The following CDHR3 variants were observed in gnomAD, a reference collection of about 807,000 sequenced individuals.
CDHR3 encodes cadherin-related family member 3.
CDHR3 carries 79 observed loss-of-function variants against 86.6 expected under a neutral mutation model. The observed-to-expected ratio is 0.91, with a 90% CI of 0.76 to 1.10. The LOEUF (loss-of-function observed/expected upper bound fraction) is 1.10, where lower values mean the gene tolerates loss of function less well. CDHR3 is among the 50% of genes least tolerant of loss of function. The probability of loss-of-function intolerance (pLI) is 0.00; values close to 1 mark genes in which losing one functional copy is unlikely to be tolerated. For missense variants in CDHR3, 1,081 were observed against 1,077.6 expected (o/e 1.00, Z -0.04); for synonymous variants, 421 against 402.4 (o/e 1.05, Z -0.55).
In CDHR3 at chr7:106,035,232, G is replaced by C. The variant is rs894730823; in HGVS notation, c.*2535G>C. 6.6e-6 allele frequency among the ~76,000 whole-genome samples: 1 copy of C among 152,216 alleles called. No homozygotes were observed. The highest frequency in any genetic ancestry group is 2.4e-5 in the African/African-American group (1 of 41,462). Reference sequence around the variant, plus strand: ...CAAGAGGGACTTCCTGAAGCCTGGGGCCTCTCTGAAGAGCTCAGTGTCTTC... The same window carrying C: ...CAAGAGGGACTTCCTGAAGCCTGGGCCCTCTCTGAAGAGCTCAGTGTCTTC... On this transcript the variant is annotated 3_prime_UTR_variant, in exon 19 of 19. Transcript: ENST00000317716.
intron 2 of CDHR3, among the ~76,000 whole-genome samples, chr7:105,980,585 GTT>G (rs56057580): frequency 0.21 from 22,428 of 104,838 alleles, 3,680 homozygotes; most frequent in African/African-American, 0.38. Context: ...GTAGTGGAAG[GTT>G]TTTTTTTTTT....
chr7:106,006,062 C>G (rs1260887554), intron 8 of CDHR3, among the ~76,000 whole-genome samples: 2 of 152,178 alleles, frequency 1.3e-5, no homozygotes, highest in African/African-American at 2.4e-5. Context: ...CAAGGAGGAG[C>G]AAGTCACATC....
intron 8 of CDHR3, among the ~76,000 whole-genome samples, chr7:106,010,186 G>C (rs191577602): frequency 3.6e-4 from 55 of 152,286 alleles, no homozygotes; most frequent in Non-Finnish European, 4.3e-4. Flanking sequence ...AACCATCTGT[G>C]AGCCTGGATA....
chr7:106,017,964 T>TC lies in CDHR3; in HGVS notation c.1548dup (p.Lys517GlnfsTer10). 6.2e-7 allele frequency: 1 copy of TC among 1,613,898 alleles called. No homozygotes were observed. The highest frequency in any genetic ancestry group is 8.5e-7 in the Non-Finnish European group (1 of 1,179,854). ...AGTATCCAAATGTATTTTGGATTAA[T>TC]CCCAAGACAGGAGAACTCCAGCTGG... On this transcript the variant is annotated frameshift_variant, in exon 12 of 19. Transcript: ENST00000317716. LOFTEE classifies it high-confidence loss of function.
chr7:105,980,360 G>T (rs1456803429), intron 2 of CDHR3, among the ~76,000 whole-genome samples: 1 of 152,122 alleles, frequency 6.6e-6, no homozygotes, highest in African/African-American at 2.4e-5. Flanking sequence ...CATGGTCTTA[G>T]ACCCTTGAAC....
chr7:106,019,687 G>T (rs1304355980), intron 12 of CDHR3, among the ~76,000 whole-genome samples: 4 of 152,194 alleles, frequency 2.6e-5, no homozygotes, highest in African/African-American at 9.7e-5. Flanking sequence ...CTTATGGCAG[G>T]TTAGCTCTAG....
At chr7:106,019,683 G>T (rs1053716165) in intron 12 of CDHR3, among the ~76,000 whole-genome samples, 17 of 152,164 alleles carry the variant, frequency 1.1e-4, no homozygotes, top group Non-Finnish European at 1.5e-5. Context: ...CCTGCTTATG[G>T]CAGGTTAGCT....
At chr7:106,013,102 C>T in intron 9 of CDHR3, 71 bp downstream of exon 9, 2 of 1,393,320 alleles carry the variant, frequency 1.4e-6, no homozygotes, top group South Asian at 1.5e-5. Context: ...GCTTTTGCTG[C>T]CCCATAGAGA....
chr7:106,026,769 T>C, intron 16 of CDHR3, 74 bp downstream of exon 16: 2 of 1,500,294 alleles, frequency 1.3e-6, no homozygotes, highest in Non-Finnish European at 1.9e-6. Flanking sequence ...AGGTTCCTAC[T>C]CGGCAAAGAA....
chr7:106,016,430 A>C (rs888426811), intron 11 of CDHR3, among the ~76,000 whole-genome samples: 1 of 152,146 alleles, frequency 6.6e-6, no homozygotes, highest in African/African-American at 2.4e-5. Context: ...TTACAAACAA[A>C]ATAAAGGCAT....
intron 14 of CDHR3, among the ~76,000 whole-genome samples, chr7:106,023,674 C>T (rs1319177248): frequency 6.6e-6 from 1 of 152,210 alleles, no homozygotes; most frequent in Non-Finnish European, 1.5e-5. Context: ...AGCTTCTTCT[C>T]AGAGTCTTGC....
intron 7 of CDHR3, among the ~76,000 whole-genome samples, chr7:106,003,989 C>CAAAAAAAAAAAAAAAAAAAAAAAAAA (rs55815648): frequency 5.0e-5 from 4 of 79,944 alleles, no homozygotes; most frequent in East Asian, 4.3e-4. Context: ...CCAACCTAAC[C>CAAAAAAAAAAAAAAAAAAAAAAAAAA]AAAAAAAAAA....
chr7:106,004,526 G>C lies in CDHR3; in HGVS notation c.891G>C (p.Arg297Ser), dbSNP rs774373233. The C allele has an allele frequency of 1.2e-6, 2 of 1,613,982 alleles. No homozygotes were observed. Among genetic ancestry groups the C allele is most frequent in the Admixed American group, 1.7e-5 (1 of 60,020 alleles). ...CTGGTACAATCCAAGTGGCCCAAAG[G>C]ATAGACCGAGATGCAGGTGAATTGA... ...QLTGTIQVAQ[R>S]IDRDAGELRQ... Residue 297 changes from arginine (R) to serine (S), a missense_variant, in exon 8 of 19, where the codon AGG becomes AGC. Arg to Ser is a moderately radical substitution (Grantham distance 110). Transcript: ENST00000317716.
intron 7 of CDHR3, among the ~76,000 whole-genome samples, chr7:106,002,498 G>T (rs944998480): frequency 6.6e-6 from 1 of 152,112 alleles, no homozygotes; most frequent in Non-Finnish European, 1.5e-5. Context: ...TTATAGGTAG[G>T]TTACCTCTGG....
chr7:105,964,481 A>T (rs931992499), intron 1 of CDHR3, among the ~76,000 whole-genome samples: 2 of 151,930 alleles, frequency 1.3e-5, no homozygotes, highest in Non-Finnish European at 2.9e-5. Context: ...CCAGGCCTGG[A>T]CATTCTGACC....
At chr7:105,984,766 G>A (rs890675771) in intron 4 of CDHR3, among the ~76,000 whole-genome samples, 2 of 152,082 alleles carry the variant, frequency 1.3e-5, no homozygotes, top group Non-Finnish European at 1.5e-5. Flanking sequence ...AAGCTGCTTA[G>A]AGCCAAGTTT....
At chr7:105,983,757 A>C (rs1490642153) in intron 3 of CDHR3, among the ~76,000 whole-genome samples, 2 of 152,128 alleles carry the variant, frequency 1.3e-5, no homozygotes, top group Non-Finnish European at 2.9e-5. Flanking sequence ...TCAACGGCTC[A>C]TTTCTGCGGA....
At chr7:105,983,371 A>G (rs448210) in intron 3 of CDHR3, among the ~76,000 whole-genome samples, 86,419 of 152,096 alleles carry the variant, frequency 0.57, 24,631 homozygotes, top group South Asian at 0.75. Context: ...GGACAACTTC[A>G]TAACTTCCCT....
At chr7:105,995,885 G>A (rs562546058) in intron 5 of CDHR3, among the ~76,000 whole-genome samples, 1 of 152,220 alleles carries the variant, frequency 6.6e-6, no homozygotes, top group African/African-American at 2.4e-5. Context: ...CGTCGGGTGT[G>A]GGAACAAGAG....
Sources: gnomAD v4.1 joint callset for allele counts (sites outside exome capture counted in the v4.1 genomes callset) on GRCh38, gnomAD v4.1.1 for gene constraint, MANE v1.5 for transcripts, NCBI Gene and HGNC (gene_info 2026-07-23, HGNC 2026-07-21) for gene names.